The following SETD2 variants were observed in gnomAD, a reference collection of about 807,000 sequenced individuals.
SETD2 encodes the protein histone-lysine N-methyltransferase SETD2.
In SETD2, 31 loss-of-function variants were observed where a neutral mutation model predicts 242.1. The observed-to-expected ratio is 0.13, with a 90% CI of 0.10 to 0.17. The LOEUF (loss-of-function observed/expected upper bound fraction) is 0.17, where lower values mean the gene tolerates loss of function less well. Among genes scored for constraint, SETD2 ranks in the 10% least tolerant of loss-of-function variants. The pLI is 1.00. For synonymous variants in SETD2, 1,006 were observed against 1,066.5 expected (o/e 0.94, Z 1.11); for missense variants, 2,481 against 3,046.3 (o/e 0.81, Z 4.37).
At chr3:47,111,429 G>A (rs891106996) in intron 5 of SETD2, among the ~76,000 whole-genome samples, 4 of 152,096 alleles carry the variant, frequency 2.6e-5, no homozygotes, top group Admixed American at 6.5e-5. Context: ...AAGTAGCTGG[G>A]CATACTGGCT....
intron 5 of SETD2, among the ~76,000 whole-genome samples, chr3:47,113,357 G>C (rs1266030920): frequency 6.6e-6 from 1 of 151,886 alleles, no homozygotes; most frequent in Non-Finnish European, 1.5e-5. Flanking sequence ...GAGATTCTGG[G>C]GGTCCACAGT....
At chr3:47,040,569 ATTTTT>A (rs34309892) in intron 17 of SETD2, among the ~76,000 whole-genome samples, 20 of 91,718 alleles carry the variant, frequency 2.2e-4, no homozygotes, top group African/African-American at 5.3e-4. Flanking sequence ...AGGGAAAAGG[ATTTTT>A]TTTTTTTTTT....
chr3:47,029,416 A>T (rs2038660327), intron 18 of SETD2, among the ~76,000 whole-genome samples: 1 of 151,764 alleles, frequency 6.6e-6, no homozygotes, highest in African/African-American at 2.4e-5. Flanking sequence ...CATGGAACTC[A>T]AACTGTAGCT....
chr3:47,097,878 T>C (rs2107673527), intron 9 of SETD2, 77 bp downstream of exon 9: 1 of 1,476,110 alleles, frequency 6.8e-7, no homozygotes, highest in Non-Finnish European at 9.4e-7. Flanking sequence ...AGTATGACTT[T>C]ATAACCTTCA....
chr3:47,146,149 A>G (rs1023319277), intron 1 of SETD2, among the ~76,000 whole-genome samples: 3 of 151,476 alleles, frequency 2.0e-5, no homozygotes, highest in Non-Finnish European at 4.4e-5. Context: ...TGTCAGCTGG[A>G]GAGGTACCAC....
At chr3:47,070,134 T>G (rs2040756880) in intron 12 of SETD2, among the ~76,000 whole-genome samples, 1 of 152,198 alleles carries the variant, frequency 6.6e-6, no homozygotes, top group Non-Finnish European at 1.5e-5. Flanking sequence ...TACATAGGCC[T>G]CAAGTTGGGG....
intron 6 of SETD2, among the ~76,000 whole-genome samples, chr3:47,104,553 T>G (rs1392659615): frequency 6.6e-6 from 1 of 151,910 alleles, no homozygotes. Context: ...AAAAAAAAAG[T>G]TATTTTTCAT....
chr3:47,031,750 A>C (rs1462491982), intron 18 of SETD2, among the ~76,000 whole-genome samples: 1 of 152,234 alleles, frequency 6.6e-6, no homozygotes, highest in Non-Finnish European at 1.5e-5. Context: ...TTCTTAAAAC[A>C]CTGAGGACCG....
In SETD2 at chr3:47,120,343, T is replaced by C. The variant is rs746006058; in HGVS notation, c.4293A>G (p.Val1431=). ...GGGGCACTGATGTCTCTCCCTGCTC[T>C]ACCTCCACTCTAACTTTCTTTCTGT... ...LQDRKKVRVE[V]EQGETSVPPG... Residue 1431 remains valine, a synonymous_variant, in exon 3 of 21, where the codon GTA becomes GTG. Transcript: ENST00000409792. 18 of 1,613,612 alleles carry C rather than the reference T, an allele frequency of 1.1e-5. No homozygotes were observed. In the East Asian group the frequency reaches 3.3e-4, roughly 30 times the overall value.
chr3:47,144,505 T>A (rs934867320), intron 1 of SETD2, among the ~76,000 whole-genome samples: 10 of 152,026 alleles, frequency 6.6e-5, no homozygotes, highest in African/African-American at 2.4e-5. Flanking sequence ...GGCGTGGTGG[T>A]GCATGCCTAT....
intron 5 of SETD2, among the ~76,000 whole-genome samples, chr3:47,106,493 T>TTAAA (rs1309150228): frequency 1.4e-4 from 8 of 57,264 alleles, no homozygotes; most frequent in African/African-American, 2.7e-4. Flanking sequence ...ATTTTTGCTC[T>TTAAA]AAAAAAAAAA....
chr3:47,067,350 T>C (rs2040601151), intron 12 of SETD2, among the ~76,000 whole-genome samples: 1 of 150,990 alleles, frequency 6.6e-6, no homozygotes, highest in African/African-American at 2.4e-5. Context: ...GCTTGTACGA[T>C]CTCACTAGCA....
intron 1 of SETD2, among the ~76,000 whole-genome samples, chr3:47,148,850 G>C (rs1289038867): frequency 6.6e-6 from 1 of 152,134 alleles, no homozygotes; most frequent in African/African-American, 2.4e-5. Context: ...TCACTACATG[G>C]AATAATGGTG....
intron 12 of SETD2, among the ~76,000 whole-genome samples, chr3:47,071,659 GC>G (rs1350014695): frequency 6.6e-6 from 1 of 151,598 alleles, no homozygotes; most frequent in Non-Finnish European, 1.5e-5. Flanking sequence ...GCTGGAGATT[GC>G]CCAGACACAA....
rs193074558 is a variant in SETD2, at chr3:47,158,286, A to C, written c.71+5568T>G. Among the ~76,000 whole-genome samples the C allele has an allele frequency of 9.5e-4, 145 of 152,340 alleles. No individual in the cohort carries two copies. In the Middle Eastern group the frequency reaches 0.02, roughly 21 times the overall value. On this transcript the variant is annotated intron_variant, in intron 1 of 20. Coordinates refer to ENST00000409792, the MANE Select transcript of SETD2 (RefSeq NM_014159.7). Reference sequence around the variant, plus strand: ...GATATAATGATAAACATATTTCAAGATTCTATAAAAACCACAATACAGTTT... The same window carrying C: ...GATATAATGATAAACATATTTCAAGCTTCTATAAAAACCACAATACAGTTT...
intron 14 of SETD2, among the ~76,000 whole-genome samples, chr3:47,058,166 A>C (rs2040157538): frequency 1.3e-5 from 2 of 152,082 alleles, no homozygotes; most frequent in Admixed American, 6.5e-5. Flanking sequence ...CTATTTCCCC[A>C]AAAAAACTTC....
In SETD2 at chr3:47,123,944, A is replaced by C. The variant is rs2106716042; in HGVS notation, c.692T>G (p.Val231Gly). 1 of 1,551,630 alleles carries C rather than the reference A, an allele frequency of 6.4e-7. No homozygotes were observed. The highest frequency in any genetic ancestry group is 8.7e-7 in the Non-Finnish European group (1 of 1,146,472). The change falls in exon 3 of 21, where the codon GTA becomes GGA. Residue 231 changes from valine (V) to glycine (G), a missense_variant. Physicochemically the swap from Val to Gly is moderately radical, Grantham distance 109. Coordinates refer to ENST00000409792, the MANE Select transcript of SETD2 (RefSeq NM_014159.7). ...TTTCAGAGATCTAACTGCTACATCT[A>C]CTGGTAAGGGTACTGGTGCTGCCAT... ...VLMAAPVPLP[V>G]DVAVRSLKEP... is the part of the protein sequence containing the mutation.
At chr3:47,090,393 A>T (rs948057487) in intron 9 of SETD2, among the ~76,000 whole-genome samples, 6 of 151,980 alleles carry the variant, frequency 3.9e-5, no homozygotes, top group Non-Finnish European at 7.4e-5. Flanking sequence ...TTATTTTTTT[A>T]TTTTTTATTT....
intron 2 of SETD2, among the ~76,000 whole-genome samples, chr3:47,125,116 C>T (rs1321300023): frequency 3.3e-5 from 5 of 151,820 alleles, no homozygotes; most frequent in African/African-American, 4.8e-5. Flanking sequence ...GTCAGGAGTT[C>T]GAGACCAGCC....
Sources: gnomAD v4.1 joint callset for allele counts (sites outside exome capture counted in the v4.1 genomes callset) on GRCh38, gnomAD v4.1.1 for gene constraint, MANE v1.5 for transcripts, NCBI Gene and HGNC (gene_info 2026-07-23, HGNC 2026-07-21) for gene names.